The following NRP1 variants were observed in gnomAD, a reference collection of about 807,000 sequenced individuals.
NRP1 encodes the protein neuropilin-1.
Under a neutral mutation model 106.7 loss-of-function variants are expected in NRP1, and 35 were observed. The observed-to-expected ratio is 0.33, with a 90% CI of 0.25 to 0.43. The LOEUF (loss-of-function observed/expected upper bound fraction) is 0.43. Among genes scored for constraint, NRP1 ranks in the 20% least tolerant of loss-of-function variants. NRP1 has a pLI of 1.00. For missense variants in NRP1, 1,024 were observed against 1,170.4 expected (o/e 0.87, Z 1.83); for synonymous variants, 437 against 417.9 (o/e 1.05, Z -0.56).
chr10:33,326,094 T>A (rs1237810543), intron 2 of NRP1, among the ~76,000 whole-genome samples: 4 of 152,224 alleles, frequency 2.6e-5, no homozygotes, highest in Admixed American at 6.5e-5. Flanking sequence ...GATCTGAATG[T>A]AACCATACAC....
rs969222960 is a variant in NRP1, at chr10:33,270,648, T to C, written c.430+27A>G. The stretch of plus-strand genomic sequence containing the variant: ...GGCCTAAATGAACTCTTAGTCATTC[T>C]TGTTCTACCGTAAGCTGTTCACTCA... On this transcript the variant is annotated intron_variant, in intron 3 of 16. Transcript: ENST00000374867. 2.6e-6 allele frequency: 4 copies of C among 1,568,496 alleles called. No individual in the cohort carries two copies. In the Admixed American group the frequency reaches 5.5e-5, roughly 21 times the overall value.
intron 12 of NRP1, among the ~76,000 whole-genome samples, chr10:33,193,931 C>T (rs942312384): frequency 2.0e-5 from 3 of 152,084 alleles, no homozygotes; most frequent in African/African-American, 7.2e-5. Context: ...ATGTGACCTC[C>T]CAAAGGGTAG....
Position 33,197,767 on chromosome 10 carries a change from G to GA in NRP1, c.1865-59dup, listed in dbSNP as rs1216693090. On this transcript the variant is annotated intron_variant, in intron 11 of 16. Transcript: ENST00000374867. ...AGAAAACAGTAGCGAATATGCAGGA[G>GA]AAAAATGTATGCTTACAAATGTCTA... 3 of 1,001,510 alleles carry GA rather than the reference G, an allele frequency of 3.0e-6. No individual in the cohort carries two copies. The African/African-American group carries it at 4.8e-5, about 16-fold the overall frequency. 62.0% of individuals were successfully genotyped at this position (1,001,510 alleles called of 1,614,324 possible).
chr10:33,202,575 G>GGGGGT, intron 11 of NRP1: 1 of 1,425,776 alleles, frequency 7.0e-7, no homozygotes, highest in Non-Finnish European at 9.3e-7. Flanking sequence ...ATTGGGGGGG[G>GGGGGT]GTCTGAAAAT....
At chr10:33,216,140 CTTTTTT>C (rs71521489) in intron 8 of NRP1, among the ~76,000 whole-genome samples, 4 of 139,028 alleles carry the variant, frequency 2.9e-5, no homozygotes, top group African/African-American at 1.1e-4. Context: ...TTCTTTCTTT[CTTTTTT>C]TTTTTTTTTG....
intron 6 of NRP1, 132 bp downstream of exon 6, chr10:33,253,896 T>C (rs1330951937): frequency 1.4e-6 from 1 of 733,602 alleles, no homozygotes; most frequent in African/African-American, 1.8e-5. Context: ...CTTGCAGTGA[T>C]TTATACCTGA....
intron 2 of NRP1, among the ~76,000 whole-genome samples, chr10:33,300,114 C>T (rs1292826389): frequency 3.3e-5 from 5 of 152,334 alleles, no homozygotes; most frequent in Admixed American, 2.6e-4. Flanking sequence ...TGCTCCTTCT[C>T]TTTTCTTTGC....
At chr10:33,204,995 G>C (rs1297423352) in intron 10 of NRP1, among the ~76,000 whole-genome samples, 4 of 152,172 alleles carry the variant, frequency 2.6e-5, no homozygotes. Context: ...GCCTCCCAAA[G>C]TGCTGGGATT....
At chr10:33,284,874 G>A (rs769542351) in intron 2 of NRP1, among the ~76,000 whole-genome samples, 1 of 152,288 alleles carries the variant, frequency 6.6e-6, no homozygotes, top group South Asian at 2.1e-4. Context: ...AATCAGTGCC[G>A]TCATGAAGGG....
chr10:33,320,492 C>T (rs1272755038), intron 2 of NRP1, among the ~76,000 whole-genome samples: 1 of 152,030 alleles, frequency 6.6e-6, no homozygotes, highest in Non-Finnish European at 1.5e-5. Context: ...ATGCAGGCAC[C>T]CACTCCAACA....
chr10:33,330,603 T>C (rs1471918199), intron 2 of NRP1, 105 bp downstream of exon 2: 4 of 911,950 alleles, frequency 4.4e-6, no homozygotes, highest in Non-Finnish European at 6.2e-6. Context: ...GAATCCCTCC[T>C]GGATCCATTT....
intron 6 of NRP1, among the ~76,000 whole-genome samples, chr10:33,253,622 G>T (rs778731563): frequency 4.6e-5 from 7 of 152,162 alleles, no homozygotes; most frequent in South Asian, 4.2e-4. Context: ...CTATAAACAG[G>T]ATTCATATAT....
chr10:33,215,017 A>G (rs532882935), intron 8 of NRP1, among the ~76,000 whole-genome samples: 1 of 152,336 alleles, frequency 6.6e-6, no homozygotes, highest in Non-Finnish European at 1.5e-5. Flanking sequence ...TATGTTATGT[A>G]TATTTTACCC....
intron 9 of NRP1, among the ~76,000 whole-genome samples, chr10:33,210,878 T>C (rs997014348): frequency 1.3e-5 from 2 of 152,224 alleles, no homozygotes; most frequent in Non-Finnish European, 2.9e-5. Context: ...TTAAAAACCA[T>C]GTGCCGCTCT....
intron 6 of NRP1, among the ~76,000 whole-genome samples, chr10:33,247,985 A>T (rs1382538988): frequency 6.6e-6 from 1 of 152,158 alleles, no homozygotes; most frequent in Non-Finnish European, 1.5e-5. Context: ...CTAAAATAGG[A>T]CGTATATAAA....
intron 8 of NRP1, among the ~76,000 whole-genome samples, chr10:33,220,756 G>C (rs1208850735): frequency 6.6e-6 from 1 of 151,878 alleles, no homozygotes; most frequent in Non-Finnish European, 1.5e-5. Flanking sequence ...AAATTAGCCA[G>C]GTGTGGTGGT....
At chr10:33,229,976 T>G (rs1442702710) in intron 6 of NRP1, among the ~76,000 whole-genome samples, 1 of 152,182 alleles carries the variant, frequency 6.6e-6, no homozygotes, top group East Asian at 1.9e-4. Flanking sequence ...TTATTGCCAG[T>G]GGGTTTAGTA....
chr10:33,202,403 T>C (rs977737716), intron 11 of NRP1: 8 of 447,236 alleles, frequency 1.8e-5, no homozygotes, highest in Non-Finnish European at 3.9e-6. Flanking sequence ...AATGTTAATG[T>C]ACAATGATTT....
intron 3 of NRP1, among the ~76,000 whole-genome samples, chr10:33,265,373 G>A (rs891768991): frequency 2.0e-5 from 3 of 152,104 alleles, no homozygotes; most frequent in Admixed American, 6.5e-5. Context: ...ATGGGGCCCC[G>A]GCAATGACAT....
Sources: gnomAD v4.1 joint callset for allele counts (sites outside exome capture counted in the v4.1 genomes callset) on GRCh38, gnomAD v4.1.1 for gene constraint, MANE v1.5 for transcripts, NCBI Gene and HGNC (gene_info 2026-07-23, HGNC 2026-07-21) for gene names.